The following ARL6 variants were observed in gnomAD, a reference collection of about 807,000 sequenced individuals.
ARL6 encodes ARF like GTPase 6.
Under a neutral mutation model 27.1 loss-of-function variants are expected in ARL6, and 18 were observed. The ratio of observed to expected loss-of-function variants is 0.66; its 90% CI spans 0.46 to 0.98. ARL6 has a LOEUF of 0.98. Ranked by LOEUF, ARL6 falls within the 50% of genes least tolerant of loss-of-function variation. The probability of loss-of-function intolerance (pLI) is 0.00; values close to 1 mark genes in which losing one functional copy is unlikely to be tolerated. For synonymous variants in ARL6, 65 were observed against 72.3 expected (o/e 0.90, Z 0.51); for missense variants, 187 against 214.9 (o/e 0.87, Z 0.81).
rs201172658 is a variant in ARL6, at chr3:97,788,049, G to T, written c.409G>T (p.Ala137Ser). 2.5e-6 allele frequency: 4 copies of T among 1,612,978 alleles called. No homozygotes were observed. In the Admixed American group the frequency reaches 6.7e-5, roughly 27 times the overall value. Reference sequence around the variant, plus strand: ...TGCAAATAAAATGGATCTTAGAGATGCAGTGACATCTGTAAAAGTGTCTCA... The same window carrying T: ...TGCAAATAAAATGGATCTTAGAGATTCAGTGACATCTGTAAAAGTGTCTCA... ...FFANKMDLRDAVTSVKVSQLL... is the reference protein window; with the variant it reads ...FFANKMDLRDSVTSVKVSQLL... The change falls in exon 6 of 8, where the codon GCA (alanine) becomes TCA (serine). Residue 137 changes from alanine (A) to serine (S), a missense_variant. Ala to Ser is a moderately conservative substitution (Grantham distance 99, BLOSUM62 1). Coordinates refer to ENST00000463745, the MANE Select transcript of ARL6 (RefSeq NM_001278293.3).
At chr3:97,767,959 T>C in intron 1 of ARL6, 122 bp from the exon 2 acceptor site, 1 of 876,814 alleles carries the variant, frequency 1.1e-6, no homozygotes, top group Non-Finnish European at 1.7e-6. Context: ...AAAGCTACAT[T>C]GACATAGTTT....
rs190445612 is a variant in ARL6 at position 97,768,303 on chromosome 3, T to C, written c.123+73T>C. 5 of 1,523,116 alleles carry C rather than the reference T, an allele frequency of 3.3e-6. No individual in the cohort carries two copies. The South Asian group carries it at 4.6e-5, about 14-fold the overall frequency. 94.4% of individuals were successfully genotyped at this position (1,523,116 alleles called of 1,614,324 possible). ...AATTAATGTGCAGAATTATGTTATA[T>C]GACGTTAAAACCGCATATAATCACA... On this transcript the variant is annotated intron_variant, in intron 2 of 7. Transcript: ENST00000463745.
At position 97,800,982 on chromosome 3, in the gene ARL6, T is replaced by C. The variant is rs1005719872; in HGVS notation, c.*2933T>C. The C allele has an allele frequency of 6.6e-6, 1 of 152,144 alleles. No homozygotes were observed. The highest frequency in any genetic ancestry group is 2.4e-5 in the African/African-American group (1 of 41,428). 9.4% of individuals were successfully genotyped at this position (152,144 alleles called of 1,614,324 possible). ...CCTAATATCATCACATGTCATCACA[T>C]AGGGGGTTAGAATTTCAACATAGAA... On this transcript the variant is annotated 3_prime_UTR_variant, in exon 8 of 8. Transcript: ENST00000463745.
At chr3:97,771,740 A>G (rs2036646220) in intron 2 of ARL6, among the ~76,000 whole-genome samples, 1 of 152,122 alleles carries the variant, frequency 6.6e-6, no homozygotes, top group Non-Finnish European at 1.5e-5. Flanking sequence ...AGTTTTTGTC[A>G]TAAAGAGATG....
chr3:97,788,309 A>G (rs2037558808), intron 6 of ARL6, among the ~76,000 whole-genome samples, 190 bp downstream of exon 6: 1 of 151,996 alleles, frequency 6.6e-6, no homozygotes, highest in Admixed American at 6.6e-5. Context: ...CCTTTTTCAA[A>G]TTTTTGGGGG....
At chr3:97,783,519 C>A (rs976639749) in intron 4 of ARL6, among the ~76,000 whole-genome samples, 5 of 151,670 alleles carry the variant, frequency 3.3e-5, no homozygotes, top group Non-Finnish European at 7.4e-5. Flanking sequence ...AATCTTAGCC[C>A]CAGTTCGTGA....
At chr3:97,791,904 TTATTA>T (rs199744582) in intron 7 of ARL6, 78 bp downstream of exon 7, 21,918 of 1,298,526 alleles carry the variant, frequency 0.017, 285 homozygotes, top group African/African-American at 0.045. Context: ...ACATTTTATT[TTATTA>T]TATCATTGCC....
chr3:97,774,386 G>T (rs1416875980), intron 2 of ARL6, among the ~76,000 whole-genome samples: 2 of 149,520 alleles, frequency 1.3e-5, no homozygotes, highest in Admixed American at 1.3e-4. Flanking sequence ...GACTCTTGAG[G>T]AGAATCAACA....
intron 4 of ARL6, among the ~76,000 whole-genome samples, chr3:97,783,965 G>A (rs1234793507): frequency 6.6e-6 from 1 of 151,756 alleles, no homozygotes; most frequent in Admixed American, 6.6e-5. Context: ...CATTTCTGGA[G>A]GACAGTTTGG....
At chr3:97,790,051 TTGTGTGTGTGTGTGTGTG>T (rs3058067) in intron 6 of ARL6, among the ~76,000 whole-genome samples, 3 of 137,072 alleles carry the variant, frequency 2.2e-5, no homozygotes, top group Non-Finnish European at 4.7e-5. Context: ...GGCATCATGA[TTGTGTGTGTGTGTGTGTG>T]TGTGTGTGTG....
chr3:97,775,720 A>C (rs1004685019), intron 2 of ARL6, among the ~76,000 whole-genome samples: 7 of 152,126 alleles, frequency 4.6e-5, no homozygotes, highest in African/African-American at 1.4e-4. Context: ...AAGCATGTTA[A>C]TTTCCATGTG....
intron 4 of ARL6, among the ~76,000 whole-genome samples, chr3:97,781,117 T>C (rs2037177153): frequency 6.6e-6 from 1 of 152,184 alleles, no homozygotes; most frequent in African/African-American, 2.4e-5. Flanking sequence ...AGTGGAAGTG[T>C]GAACTCCTCA....
At chr3:97,785,537 T>G (rs1020903581) in intron 5 of ARL6, among the ~76,000 whole-genome samples, 4 of 151,994 alleles carry the variant, frequency 2.6e-5, no homozygotes, top group Non-Finnish European at 5.9e-5. Flanking sequence ...GGTTGAGGAC[T>G]GTGGGGACTA....
chr3:97,772,358 A>T (rs2036676010), intron 2 of ARL6, among the ~76,000 whole-genome samples: 3 of 151,862 alleles, frequency 2.0e-5, no homozygotes. Flanking sequence ...CTGTGGTATC[A>T]GTTGTTATTT....
At chr3:97,780,062 T>A in intron 2 of ARL6, 97 bp from the exon 3 acceptor site, 1 of 930,920 alleles carries the variant, frequency 1.1e-6, no homozygotes, top group Non-Finnish European at 1.8e-6. Context: ...ATCTCCTTAG[T>A]GACAGATTTT....
At position 97,791,806 on chromosome 3, in the gene ARL6, A is replaced by G; in HGVS notation, c.515A>G (p.Glu172Gly). Residue 172 changes from glutamate (E) to glycine (G), a missense_variant, in exon 7 of 8, where the codon GAA becomes GGA. Physicochemically the swap from Glu to Gly is moderately conservative, Grantham distance 98. Coordinates refer to ENST00000463745, the MANE Select transcript of ARL6 (RefSeq NM_001278293.3). ...GCCATAAAAGGAGAAGGCTTGCAAG[A>G]AGGTGTAGACTGGCTTCAAGGTACA... ...SDAIKGEGLQEGVDWLQDQIQ... is the reference protein window; with the variant it reads ...SDAIKGEGLQGGVDWLQDQIQ... The G allele has an allele frequency of 6.2e-7, 1 of 1,613,802 alleles. No individual in the cohort carries two copies. Among genetic ancestry groups the G allele is most frequent in the Non-Finnish European group, 8.5e-7 (1 of 1,179,816 alleles).
At chr3:97,786,261 C>T (rs1015746885) in intron 5 of ARL6, among the ~76,000 whole-genome samples, 2 of 151,884 alleles carry the variant, frequency 1.3e-5, no homozygotes, top group African/African-American at 4.8e-5. Context: ...AGGAGAATTG[C>T]CTGAACCTGG....
chr3:97,792,980 C>A (rs781176810), intron 7 of ARL6, among the ~76,000 whole-genome samples: 2 of 150,470 alleles, frequency 1.3e-5, no homozygotes, highest in Non-Finnish European at 2.9e-5. Flanking sequence ...TTTTTTAAAT[C>A]TTCTGCATGT....
chr3:97,776,738 C>T (rs1412041441), intron 2 of ARL6, among the ~76,000 whole-genome samples: 1 of 151,992 alleles, frequency 6.6e-6, no homozygotes, highest in East Asian at 1.9e-4. Flanking sequence ...CTCATTGCAA[C>T]CTCCATTTCC....
Sources: gnomAD v4.1 joint callset for allele counts (sites outside exome capture counted in the v4.1 genomes callset) on GRCh38, gnomAD v4.1.1 for gene constraint, MANE v1.5 for transcripts, NCBI Gene and HGNC (gene_info 2026-07-23, HGNC 2026-07-21) for gene names.